The following KIF26B variants were observed in gnomAD, a reference collection of about 807,000 sequenced individuals.
KIF26B encodes kinesin family member 26B, also known as kinesin-like protein KIF26B.
In KIF26B, 63 loss-of-function variants were observed where a neutral mutation model predicts 151.2. The observed-to-expected ratio is 0.42, with a 90% CI of 0.34 to 0.51. KIF26B has a LOEUF of 0.51. Ranked by LOEUF, KIF26B falls within the 20% of genes least tolerant of loss-of-function variation. KIF26B has a pLI of 0.07. For missense variants in KIF26B, 2,813 were observed against 2,913.6 expected (o/e 0.97, Z 0.79); for synonymous variants, 1,357 against 1,262.1 (o/e 1.08, Z -1.59).
At chr1:245,356,611 G>A (rs374739095) in intron 2 of KIF26B, among the ~76,000 whole-genome samples, 3 of 152,034 alleles carry the variant, frequency 2.0e-5, no homozygotes, top group African/African-American at 7.2e-5. Context: ...TTCAATGTGG[G>A]AACCTCTCTC....
chr1:245,554,832 G>A (rs1771499), intron 5 of KIF26B, among the ~76,000 whole-genome samples: 11,347 of 152,210 alleles, frequency 0.075, 775 homozygotes, highest in African/African-American at 0.18. Flanking sequence ...GTTCATATGC[G>A]TGAATCACAA....
intron 10 of KIF26B, among the ~76,000 whole-genome samples, chr1:245,673,470 G>T (rs2044320203): frequency 6.6e-6 from 1 of 152,220 alleles, no homozygotes; most frequent in African/African-American, 2.4e-5. Context: ...TTTTGCTTAG[G>T]GGGCAGATAG....
intron 4 of KIF26B, among the ~76,000 whole-genome samples, chr1:245,442,789 GCGGTCATCTCCCTCACTGTTCACCTAC>G (rs1659143093): frequency 8.0e-6 from 1 of 124,930 alleles, no homozygotes; most frequent in Non-Finnish European, 1.7e-5. Flanking sequence ...TTCACCTACA[GCGGTCATCTCCCTCACTGTTCACCTAC>G]AGCGGTCATC....
At chr1:245,550,830 G>A (rs1661864832) in intron 5 of KIF26B, among the ~76,000 whole-genome samples, 1 of 152,170 alleles carries the variant, frequency 6.6e-6, no homozygotes, top group African/African-American at 2.4e-5. Flanking sequence ...AGGAAGCCCA[G>A]AAGAGTTTAC....
intron 4 of KIF26B, among the ~76,000 whole-genome samples, chr1:245,480,303 A>G (rs1433903412): frequency 6.6e-6 from 1 of 151,274 alleles, no homozygotes; most frequent in Non-Finnish European, 1.5e-5. Flanking sequence ...AAAACTGCCG[A>G]ACTACATGCA....
chr1:245,391,655 C>CAA (rs11363343), intron 3 of KIF26B, among the ~76,000 whole-genome samples: 4 of 88,564 alleles, frequency 4.5e-5, no homozygotes, highest in Non-Finnish European at 8.0e-5. Flanking sequence ...GACCCTGACT[C>CAA]AAAAAAAAAA....
intron 2 of KIF26B, among the ~76,000 whole-genome samples, chr1:245,340,611 A>G (rs1572012578): frequency 6.6e-6 from 1 of 152,174 alleles, no homozygotes; most frequent in East Asian, 1.9e-4. Flanking sequence ...CTGAGAGCCT[A>G]CGATGTATAC....
chr1:245,484,592 G>T (rs919567017), intron 4 of KIF26B, among the ~76,000 whole-genome samples: 3 of 151,856 alleles, frequency 2.0e-5, no homozygotes, highest in South Asian at 2.1e-4. Flanking sequence ...GCAGCAAAAT[G>T]AAATAGATTT....
chr1:245,266,203 T>A (rs148973453), intron 2 of KIF26B, among the ~76,000 whole-genome samples: 189 of 152,254 alleles, frequency 1.2e-3, no homozygotes, highest in Non-Finnish European at 2.1e-3. Flanking sequence ...AGGTACCTAA[T>A]CATCAGAATT....
intron 3 of KIF26B, among the ~76,000 whole-genome samples, chr1:245,393,099 A>G (rs1673740417): frequency 1.3e-5 from 2 of 152,136 alleles, no homozygotes; most frequent in Non-Finnish European, 2.9e-5. Context: ...TAAACCCAGG[A>G]GGCAGAGGCT....
chr1:245,330,800 T>TA lies in KIF26B; in HGVS notation c.466-36034_466-36033insA, dbSNP rs1475239288. Among the ~76,000 whole-genome samples the TA allele has an allele frequency of 8.5e-4, 12 of 14,188 alleles. No individual in the cohort carries two copies. In the East Asian group the frequency reaches 0.03, roughly 35 times the overall value. The allele number at this position is 14,188 out of a possible 152,430, so 9.3% of individuals were successfully genotyped here. ...ATTGGGGGAGGGAATAGCGGGGTAATGGGGGGAGAGTCGGGGGAGAGTCGG... is the reference window on the plus strand; with the variant it reads ...ATTGGGGGAGGGAATAGCGGGGTAATAGGGGGGAGAGTCGGGGGAGAGTCGG... On this transcript the variant is annotated intron_variant, in intron 2 of 14. Coordinates refer to ENST00000407071, the MANE Select transcript of KIF26B (RefSeq NM_018012.4).
chr1:245,560,661 C>T lies in KIF26B; in HGVS notation c.1350+19711C>T, dbSNP rs926198212. ...CATAAGTTTCTGGAAAAGTGGGAAACGCAAACCTGTCAACCTGTCAGTCTC... is the reference window on the plus strand; with the variant it reads ...CATAAGTTTCTGGAAAAGTGGGAAATGCAAACCTGTCAACCTGTCAGTCTC... On this transcript the variant is annotated intron_variant, in intron 5 of 14. Transcript: ENST00000407071. This position sits in a 1 kb window ranked among gnomAD's most constrained non-coding sequence, Gnocchi z 4.3. Among the ~76,000 whole-genome samples, 7 of 152,092 alleles carry T rather than the reference C, an allele frequency of 4.6e-5. No individual in the cohort carries two copies. The highest frequency in any genetic ancestry group is 7.2e-5 in the African/African-American group (3 of 41,398).
chr1:245,240,474 T>C (rs1198232734), intron 2 of KIF26B, among the ~76,000 whole-genome samples: 1 of 152,178 alleles, frequency 6.6e-6, no homozygotes, highest in Non-Finnish European at 1.5e-5. Flanking sequence ...TCGGTTCGTT[T>C]AGAGGAAGCT....
chr1:245,542,326 C>G (rs979016869), intron 5 of KIF26B, among the ~76,000 whole-genome samples: 5 of 152,370 alleles, frequency 3.3e-5, no homozygotes, highest in Admixed American at 1.3e-4. Flanking sequence ...GCACTCTAGC[C>G]TGGGCCACAG....
At chr1:245,383,239 GA>G (rs1673456869) in intron 3 of KIF26B, among the ~76,000 whole-genome samples, 1 of 152,036 alleles carries the variant, frequency 6.6e-6, no homozygotes, top group Non-Finnish European at 1.5e-5. Context: ...GGTGAATTTA[GA>G]AAACCGAGGC....
rs866279250 is a variant in KIF26B at position 245,187,158 on chromosome 1, C to G, written c.465+30475C>G. On this transcript the variant is annotated intron_variant, in intron 2 of 14. Coordinates refer to ENST00000407071, the MANE Select transcript of KIF26B (RefSeq NM_018012.4). ...GTGTGAGCCACTGCACTCAGCCAAGCCAGGTACTTTTCTAAGTAATTTAAT... is the reference window on the plus strand; with the variant it reads ...GTGTGAGCCACTGCACTCAGCCAAGGCAGGTACTTTTCTAAGTAATTTAAT... Among the ~76,000 whole-genome samples, 5 of 152,184 alleles carry G rather than the reference C, an allele frequency of 3.3e-5. No homozygotes were observed. In the South Asian group the frequency reaches 1.0e-3, roughly 32 times the overall value.
chr1:245,282,963 G>C (rs1671089603), intron 2 of KIF26B: 1 of 310,718 alleles, frequency 3.2e-6, no homozygotes, highest in South Asian at 3.9e-5. Flanking sequence ...ACCGAAGGCA[G>C]ATTTTGGTAG....
intron 2 of KIF26B, among the ~76,000 whole-genome samples, chr1:245,186,325 G>A (rs1291529720): frequency 6.6e-6 from 1 of 152,158 alleles, no homozygotes; most frequent in Non-Finnish European, 1.5e-5. Flanking sequence ...AGCCACTTTC[G>A]CAAAGAATGG....
intron 3 of KIF26B, among the ~76,000 whole-genome samples, chr1:245,401,806 G>T (rs1572043770): frequency 6.6e-6 from 1 of 152,118 alleles, no homozygotes; most frequent in African/African-American, 2.4e-5. Flanking sequence ...GGAGGCGGAG[G>T]TTGCAGTGAG....
Sources: gnomAD v4.1 joint callset for allele counts (sites outside exome capture counted in the v4.1 genomes callset) on GRCh38, gnomAD v4.1.1 for gene constraint, Gnocchi (gnomAD v3.1) non-coding constraint, MANE v1.5 for transcripts, NCBI Gene and HGNC (gene_info 2026-07-23, HGNC 2026-07-21) for gene names.